The following MATN2 variants were observed in gnomAD, a reference collection of about 807,000 sequenced individuals.
The protein encoded by MATN2 is matrilin-2.
A neutral mutation model predicts 103.2 loss-of-function variants in MATN2; 69 were observed. That is an observed-to-expected ratio of 0.67 (90% CI 0.55 to 0.82). The LOEUF (loss-of-function observed/expected upper bound fraction) is 0.82, where lower values mean the gene tolerates loss of function less well. MATN2 is among the 40% of genes least tolerant of loss of function. The pLI is 0.00. For synonymous variants in MATN2, 429 were observed against 450.2 expected (o/e 0.95, Z 0.60); for missense variants, 1,023 against 1,211.5 (o/e 0.84, Z 2.31).
At chr8:97,995,433 C>G (rs571682786) in intron 7 of MATN2, among the ~76,000 whole-genome samples, 1 of 151,878 alleles carries the variant, frequency 6.6e-6, no homozygotes, top group African/African-American at 2.4e-5. Flanking sequence ...CTTTTTTAGG[C>G]GTGCAAGTTG....
At chr8:97,939,294 G>A (rs1363328927) in intron 3 of MATN2, among the ~76,000 whole-genome samples, 1 of 152,146 alleles carries the variant, frequency 6.6e-6, no homozygotes, top group African/African-American at 2.4e-5. Context: ...GCACATCGCA[G>A]CCTTTCTGCA....
At chr8:97,932,868 T>A (rs894161444) in intron 3 of MATN2, among the ~76,000 whole-genome samples, 4 of 152,244 alleles carry the variant, frequency 2.6e-5, no homozygotes, top group Non-Finnish European at 4.4e-5. Context: ...ATTATCTATA[T>A]GTAAATATCT....
intron 2 of MATN2, among the ~76,000 whole-genome samples, chr8:97,921,112 C>T (rs146493915): frequency 1.0e-3 from 154 of 152,308 alleles, no homozygotes; most frequent in Non-Finnish European, 1.5e-3. Context: ...TATTCCATCC[C>T]TCAGAAACCC....
chr8:97,923,596 C>T (rs1455887423), intron 2 of MATN2, among the ~76,000 whole-genome samples: 1 of 151,750 alleles, frequency 6.6e-6, no homozygotes, highest in African/African-American at 2.4e-5. Flanking sequence ...TGCTTTGTTG[C>T]CCAGATTGGA....
At chr8:97,905,326 T>C (rs2130046566) in intron 2 of MATN2, among the ~76,000 whole-genome samples, 1 of 152,342 alleles carries the variant, frequency 6.6e-6, no homozygotes, top group Non-Finnish European at 1.5e-5. Context: ...TCACCACTAT[T>C]TCCAGAGCTT....
chr8:97,953,146 C>T (rs1586084754), intron 4 of MATN2, among the ~76,000 whole-genome samples: 1 of 149,812 alleles, frequency 6.7e-6, no homozygotes, highest in Non-Finnish European at 1.5e-5. Flanking sequence ...TGGTCTTGAT[C>T]CTCCTGCGTT....
At chr8:97,909,444 T>C (rs1201436863) in intron 2 of MATN2, among the ~76,000 whole-genome samples, 4 of 152,202 alleles carry the variant, frequency 2.6e-5, no homozygotes, top group African/African-American at 9.7e-5. Flanking sequence ...CTTTTTCTTT[T>C]CTTTTTCCCT....
chr8:97,995,952 G>T (rs891574336), intron 7 of MATN2, among the ~76,000 whole-genome samples: 1 of 152,202 alleles, frequency 6.6e-6, no homozygotes, highest in Non-Finnish European at 1.5e-5. Context: ...GCCTGCAATA[G>T]GTCAGAGGGC....
intron 3 of MATN2, among the ~76,000 whole-genome samples, chr8:97,941,186 G>GAAAAAAAAA (rs1274606689): frequency 1.4e-5 from 1 of 70,084 alleles, no homozygotes; most frequent in Non-Finnish European, 2.4e-5. Flanking sequence ...AAAAAAAAAA[G>GAAAAAAAAA]AAAGAAAGAA....
At chr8:97,938,870 A>G (rs1810463648) in intron 3 of MATN2, among the ~76,000 whole-genome samples, 2 of 152,038 alleles carry the variant, frequency 1.3e-5, no homozygotes, top group Admixed American at 6.6e-5. Flanking sequence ...GTTTAAAAAC[A>G]TCTTATTTTT....
chr8:98,024,299 G>A (rs1813709251), intron 13 of MATN2, among the ~76,000 whole-genome samples: 1 of 152,206 alleles, frequency 6.6e-6, no homozygotes, highest in Admixed American at 6.5e-5. Flanking sequence ...GAGGTCAGGA[G>A]TTCAAGACCA....
intron 4 of MATN2, among the ~76,000 whole-genome samples, chr8:97,944,409 G>A (rs1810678088): frequency 6.6e-6 from 1 of 152,194 alleles, no homozygotes; most frequent in Non-Finnish European, 1.5e-5. Flanking sequence ...TAATAAATGT[G>A]CAGTGATAAA....
At chr8:97,973,365 CTT>C (rs1461664586) in intron 5 of MATN2, among the ~76,000 whole-genome samples, 1 of 152,246 alleles carries the variant, frequency 6.6e-6, no homozygotes, top group Admixed American at 6.5e-5. Context: ...GAGAAGCTCT[CTT>C]ATCTCATGAA....
At chr8:97,869,873 A>G (rs1817834871) in intron 1 of MATN2, among the ~76,000 whole-genome samples, 1 of 152,168 alleles carries the variant, frequency 6.6e-6, no homozygotes, top group Non-Finnish European at 1.5e-5. Flanking sequence ...GGACAGAGAA[A>G]TGGGGACTGT....
chr8:97,897,042 C>T (rs555183242), intron 2 of MATN2, among the ~76,000 whole-genome samples: 2 of 142,600 alleles, frequency 1.4e-5, no homozygotes, highest in East Asian at 2.2e-4. Flanking sequence ...GCAATATGGC[C>T]GGGCTGGGCA....
chr8:98,028,875 C>G (rs1159089869), intron 14 of MATN2, among the ~76,000 whole-genome samples: 2 of 152,216 alleles, frequency 1.3e-5, no homozygotes, highest in Non-Finnish European at 2.9e-5. Context: ...GCGTGAGCCA[C>G]TGTGCCCAGC....
At position 97,931,373 on chromosome 8, in the gene MATN2, G is replaced by C; in HGVS notation, c.563G>C (p.Gly188Ala). The C allele has an allele frequency of 6.2e-7, 1 of 1,613,800 alleles. No homozygotes were observed. Reference sequence around the variant, plus strand: ...GTGGCTGCTAAGGCACGGGACACGGGCATCCTAATCTTTGCCATTGGTGTG... The same window carrying C: ...GTGGCTGCTAAGGCACGGGACACGGCCATCCTAATCTTTGCCATTGGTGTG... ...AEVAAKARDT[G>A]ILIFAIGVGQ... is the part of the protein sequence containing the mutation. The change falls in exon 3 of 19, where the codon GGC (glycine) becomes GCC (alanine). Residue 188 changes from glycine (G) to alanine (A), a missense_variant. Coordinates refer to ENST00000254898, the MANE Select transcript of MATN2 (RefSeq NM_002380.5). The surrounding 1 kb of genome is among the most constrained non-coding windows in gnomAD (Gnocchi z 4.1).
chr8:97,909,032 A>G (rs1184708969), intron 2 of MATN2, among the ~76,000 whole-genome samples: 2 of 151,442 alleles, frequency 1.3e-5, no homozygotes, highest in Non-Finnish European at 2.9e-5. Flanking sequence ...TCTGCCTCCC[A>G]TGCTCAAGTG....
rs1477054530 is a variant in MATN2, at chr8:98,033,621, AC to A, written c.2779del (p.Ala928GlnfsTer5). On this transcript the variant is annotated frameshift_variant, in exon 18 of 19. Transcript: ENST00000254898. LOFTEE classifies it high-confidence loss of function. ...CKCENLIMFQNLANEEVRKLT... is the reference protein window; with the variant it reads ...CKCENLIMFQXLANEEVRKLT... ...TGTGAAAACCTTATAATGTTCCAGA[AC>A]CTTGCAAACGAAGAAGTAAGAAAAT... is the stretch of plus-strand genomic sequence containing the variant. The A allele has an allele frequency of 8.1e-6, 13 of 1,607,960 alleles. No homozygotes were observed. The highest frequency in any genetic ancestry group is 1.3e-5 in the African/African-American group (1 of 74,878).
Sources: gnomAD v4.1 joint callset for allele counts (sites outside exome capture counted in the v4.1 genomes callset) on GRCh38, gnomAD v4.1.1 for gene constraint, Gnocchi (gnomAD v3.1) non-coding constraint, MANE v1.5 for transcripts, NCBI Gene and HGNC (gene_info 2026-07-23, HGNC 2026-07-21) for gene names.